Variants in FMN1 observed in about 807,000 individuals in gnomAD.
FMN1 encodes formin 1.
Under a neutral mutation model 132.4 loss-of-function variants are expected in FMN1, and 110 were observed. The observed-to-expected ratio is 0.83, with a 90% confidence interval of 0.71 to 0.97. FMN1 has a LOEUF of 0.97. FMN1 is among the 50% of genes least tolerant of loss of function. The pLI, the probability that FMN1 is intolerant of heterozygous loss-of-function variation, is 0.00. For missense variants in FMN1, 1,792 were observed against 1,705.3 expected (o/e 1.05, Z -0.90); for synonymous variants, 722 against 651.7 (o/e 1.11, Z -1.64).
chr15:33,033,881 T>G (rs1479431862), intron 6 of FMN1, among the ~76,000 whole-genome samples: 1 of 152,132 alleles, frequency 6.6e-6, no homozygotes, highest in African/African-American at 2.4e-5. Flanking sequence ...CGCGGCACAC[T>G]CCCTCTCTGA....
intron 9 of FMN1, among the ~76,000 whole-genome samples, chr15:32,929,956 GATC>G (rs2061064380): frequency 6.7e-6 from 1 of 148,996 alleles, no homozygotes; most frequent in Admixed American, 6.7e-5. Context: ...AAGATTAATG[GATC>G]ATATGGTAGT....
At chr15:33,102,849 T>G (rs893918878) in intron 4 of FMN1, among the ~76,000 whole-genome samples, 5 of 152,174 alleles carry the variant, frequency 3.3e-5, no homozygotes, top group African/African-American at 1.2e-4. Flanking sequence ...TAAAGAAATG[T>G]ACTTTTAGCA....
At chr15:33,010,161 T>C (rs1021784344) in intron 6 of FMN1, among the ~76,000 whole-genome samples, 5 of 152,124 alleles carry the variant, frequency 3.3e-5, no homozygotes, top group African/African-American at 1.2e-4. Flanking sequence ...CTGGCCAACA[T>C]GAAGAATCTT....
intron 9 of FMN1, among the ~76,000 whole-genome samples, chr15:32,943,146 C>T (rs765485117): frequency 6.6e-6 from 1 of 152,094 alleles, no homozygotes; most frequent in Non-Finnish European, 1.5e-5. Flanking sequence ...AAATCTGAAA[C>T]GTTTCTGGTC....
chr15:33,019,746 G>A (rs919924016), intron 6 of FMN1, among the ~76,000 whole-genome samples: 18 of 152,224 alleles, frequency 1.2e-4, no homozygotes, highest in African/African-American at 4.3e-4. Context: ...ACTGCCCGCG[G>A]CAGGGCCGGC....
At chr15:32,807,730 T>C (rs1324534414) in intron 17 of FMN1, among the ~76,000 whole-genome samples, 2 of 152,190 alleles carry the variant, frequency 1.3e-5, no homozygotes, top group Admixed American at 6.5e-5. Flanking sequence ...AAACAGAGTC[T>C]AAATGTAAAA....
At chr15:32,978,023 A>G (rs1363277162) in intron 7 of FMN1, among the ~76,000 whole-genome samples, 1 of 151,862 alleles carries the variant, frequency 6.6e-6, no homozygotes, top group Non-Finnish European at 1.5e-5. Context: ...CGCCCTGCTG[A>G]TTTTTTTATT....
chr15:33,068,653 C>T (rs923313723), intron 5 of FMN1, among the ~76,000 whole-genome samples: 11 of 151,700 alleles, frequency 7.3e-5, no homozygotes, highest in Non-Finnish European at 2.9e-5. Context: ...CTTTCTTCCG[C>T]TTCCCTGCAG....
intron 17 of FMN1, among the ~76,000 whole-genome samples, chr15:32,813,209 A>C (rs1425367978): frequency 6.6e-6 from 1 of 152,234 alleles, no homozygotes; most frequent in Non-Finnish European, 1.5e-5. Context: ...TTTAATATCC[A>C]TAAGGGTCCT....
At chr15:32,818,480 G>A (rs1483983132) in intron 17 of FMN1, among the ~76,000 whole-genome samples, 1 of 152,056 alleles carries the variant, frequency 6.6e-6, no homozygotes, top group Non-Finnish European at 1.5e-5. Flanking sequence ...TAGAATTAAG[G>A]CAGATTTTTA....
chr15:33,046,116 T>G (rs1444428074), intron 6 of FMN1, among the ~76,000 whole-genome samples: 1 of 152,112 alleles, frequency 6.6e-6, no homozygotes, highest in Non-Finnish European at 1.5e-5. Context: ...AAATATATAT[T>G]AGTTCTATAC....
At chr15:32,875,288 C>T (rs187155644) in intron 16 of FMN1, among the ~76,000 whole-genome samples, 4 of 152,016 alleles carry the variant, frequency 2.6e-5, no homozygotes, top group East Asian at 3.9e-4. Context: ...GGGTAACAGA[C>T]CCCCTGCCCT....
chr15:32,850,522 T>C (rs957947914), intron 17 of FMN1, among the ~76,000 whole-genome samples: 5 of 152,214 alleles, frequency 3.3e-5, no homozygotes, highest in African/African-American at 2.4e-5. Flanking sequence ...CTGAAAGGAT[T>C]TAAACAGAAA....
At position 32,968,948 on chromosome 15, in the gene FMN1, C is replaced by G; in HGVS notation, c.2753G>C (p.Ser918Thr). Residue 918 changes from serine to threonine, a missense_variant, in exon 8 of 21, where the codon AGT (serine) becomes ACT (threonine). This residue lies in a region of FMN1 where 1,150 missense variants were observed against 1,043.1 expected (regional missense o/e 1.10). Transcript: ENST00000616417. ...GGGTGGGGGTGGTGGAGGTCCAGCA[C>G]TTGAAGGTGGAGGTAGAGGTGGCGG... Reference protein sequence around the residue: ...PPPPPLPPPSSAGPPPPPPPP... With the variant: ...PPPPPLPPPSTAGPPPPPPPP... 2.3e-6 allele frequency: 2 copies of G among 868,948 alleles called. No homozygotes were observed. The highest frequency in any genetic ancestry group is 2.7e-5 in the East Asian group (1 of 37,734). 53.8% of individuals were successfully genotyped at this position (868,948 alleles called of 1,614,324 possible). A position where few individuals can be genotyped will look rare whatever the true frequency, so the allele number is the denominator to read the frequency against.
At chr15:33,171,803 C>T (rs1400977078) in intron 3 of FMN1, among the ~76,000 whole-genome samples, 4 of 152,170 alleles carry the variant, frequency 2.6e-5, no homozygotes, top group Non-Finnish European at 4.4e-5. Context: ...AAATGCTATT[C>T]ACAAATGCAA....
In FMN1 at chr15:32,888,178, G is replaced by C; in HGVS notation, c.3829C>G (p.Leu1277Val). ...IKDLRKLKRQLEASEKQMVVV... is the reference protein window; with the variant it reads ...IKDLRKLKRQVEASEKQMVVV... ...GCAGAACAGTTCCTATTACCTTCTA[G>C]TTGCCTCTTCAGTTTTCTCAAATCT... The change falls in exon 16 of 21, where the codon CTA becomes GTA. Residue 1277 changes from leucine to valine, a missense_variant. Transcript: ENST00000616417. 1.2e-6 allele frequency: 2 copies of C among 1,606,644 alleles called. No individual in the cohort carries two copies. Among genetic ancestry groups the C allele is most frequent in the Non-Finnish European group, 1.7e-6 (2 of 1,177,558 alleles).
chr15:33,127,100 G>T (rs1040531081), intron 4 of FMN1, among the ~76,000 whole-genome samples: 2 of 152,194 alleles, frequency 1.3e-5, no homozygotes, highest in African/African-American at 4.8e-5. Flanking sequence ...CTGGTTGGGG[G>T]AGTGATGAAC....
chr15:33,081,530 T>C (rs1312738727), intron 5 of FMN1, among the ~76,000 whole-genome samples: 1 of 152,148 alleles, frequency 6.6e-6, no homozygotes, highest in East Asian at 1.9e-4. Context: ...GTAATTCTGG[T>C]TGTAGTTCTA....
At chr15:33,131,086 T>C (rs907413443) in intron 4 of FMN1, among the ~76,000 whole-genome samples, 1 of 152,232 alleles carries the variant, frequency 6.6e-6, no homozygotes, top group Middle Eastern at 3.4e-3. Flanking sequence ...TCCCAGCACT[T>C]TGGGGGGCCG....
Sources: allele counts gnomAD v4.1 joint callset (sites outside exome capture counted in the v4.1 genomes callset), GRCh38; gene constraint gnomAD v4.1.1; regional missense constraint gnomAD v4.1.1; transcripts MANE v1.5; gene names NCBI Gene and HGNC (gene_info 2026-07-23, HGNC 2026-07-21).